RGSL1: variants seen among roughly 807,000 people sequenced by gnomAD.
RGSL1 encodes the protein regulator of G protein signaling like 1, also known as regulator of G protein signaling protein-like.
In RGSL1, 97 loss-of-function variants were observed where a neutral mutation model predicts 124.7. That is an observed-to-expected ratio of 0.78 (90% CI 0.66 to 0.92). The LOEUF is 0.92. RGSL1 is among the 40% of genes least tolerant of loss of function. The pLI is 0.00. For missense variants in RGSL1, 1,233 were observed against 1,288.4 expected (o/e 0.96, Z 0.66); for synonymous variants, 424 against 438.1 (o/e 0.97, Z 0.40).
chr1:182,556,786 A>G (rs886706312), intron 21 of RGSL1, among the ~76,000 whole-genome samples: 4 of 152,204 alleles, frequency 2.6e-5, no homozygotes, highest in Non-Finnish European at 4.4e-5. Flanking sequence ...AACTATTGTC[A>G]TAATTTTAAA....
intron 4 of RGSL1, 67 bp from the exon 5 acceptor site, chr1:182,472,329 C>T: frequency 7.0e-7 from 1 of 1,432,354 alleles, no homozygotes; most frequent in Non-Finnish European, 9.4e-7. Context: ...AGTTGATTCA[C>T]CCAGATGCAA....
At chr1:182,505,275 C>A (rs1177601737) in intron 9 of RGSL1, among the ~76,000 whole-genome samples, 1 of 152,120 alleles carries the variant, frequency 6.6e-6, no homozygotes, top group African/African-American at 2.4e-5. Flanking sequence ...AACAAACAAC[C>A]ACAATTTTTT....
intron 6 of RGSL1, among the ~76,000 whole-genome samples, chr1:182,487,935 T>C (rs1362919522): frequency 6.6e-6 from 1 of 152,210 alleles, no homozygotes; most frequent in South Asian, 2.1e-4. Flanking sequence ...CAAAGAAAGA[T>C]GCTTGGTTTT....
intron 15 of RGSL1, among the ~76,000 whole-genome samples, chr1:182,545,349 T>C (rs1442507061): frequency 2.0e-5 from 3 of 152,196 alleles, no homozygotes; most frequent in Non-Finnish European, 4.4e-5. Flanking sequence ...ATATTTTATA[T>C]TGCTTATCTC....
chr1:182,546,212 T>C (rs901826321), intron 15 of RGSL1, among the ~76,000 whole-genome samples: 1 of 152,202 alleles, frequency 6.6e-6, no homozygotes, highest in African/African-American at 2.4e-5. Context: ...TATGGGAGAA[T>C]GAAGCCAACT....
rs140715929 is a variant in RGSL1, at chr1:182,470,600, T to C, written c.302-1796T>C. The stretch of plus-strand genomic sequence containing the variant: ...TTTCTTTTATCCCGTTCCACATTTT[T>C]TCTATTCTGATTATAACCTTCAACC... On this transcript the variant is annotated intron_variant, in intron 4 of 21. Coordinates refer to ENST00000294854, the MANE Select transcript of RGSL1 (RefSeq NM_001137669.2). 3.9e-5 allele frequency among the ~76,000 whole-genome samples: 6 copies of C among 152,344 alleles called. 1 individual carries two copies. The highest frequency in any genetic ancestry group is 1.4e-4 in the African/African-American group (6 of 41,590).
At chr1:182,511,201 C>T (rs780867872) in intron 9 of RGSL1, among the ~76,000 whole-genome samples, 11 of 152,090 alleles carry the variant, frequency 7.2e-5, no homozygotes, top group Admixed American at 2.6e-4. Context: ...GATTTGCTCT[C>T]GTTGCCCAGG....
intron 9 of RGSL1, among the ~76,000 whole-genome samples, chr1:182,516,920 A>G (rs979837942): frequency 1.3e-5 from 2 of 152,096 alleles, no homozygotes; most frequent in African/African-American, 4.8e-5. Context: ...TTGTCTGTGT[A>G]CTTAATTTTA....
Position 182,548,725 on chromosome 1 carries a change from A to G in RGSL1, c.2834A>G (p.Asp945Gly). The G allele has an allele frequency of 1.3e-6, 2 of 1,551,630 alleles. No homozygotes were observed. Among genetic ancestry groups the G allele is most frequent in the Non-Finnish European group, 1.7e-6 (2 of 1,146,978 alleles). ...LRVNVPEFQK[D>G]AILAAITEGY... ...GTGAATGTCCCTGAGTTCCAGAAGG[A>G]TGCCATCCTTGCTGCCATCACAGAG... The change falls in exon 17 of 22, where the codon GAT (aspartate) becomes GGT (glycine). Residue 945 changes from aspartate (D) to glycine (G), a missense_variant. Coordinates refer to ENST00000294854, the MANE Select transcript of RGSL1 (RefSeq NM_001137669.2).
intron 17 of RGSL1, chr1:182,549,587 T>C (rs1365186858): frequency 6.6e-6 from 1 of 152,148 alleles, no homozygotes; most frequent in Non-Finnish European, 1.5e-5. Flanking sequence ...GTGCCTTGGG[T>C]GGTAGTGACC....
intron 21 of RGSL1, 70 bp from the exon 22 acceptor site, chr1:182,560,209 T>G (rs1661093509): frequency 6.6e-6 from 1 of 152,172 alleles, no homozygotes; most frequent in Admixed American, 6.5e-5. Context: ...AAATAGCAAA[T>G]GCTATTGTCT....
upstream of RGSL1, chr1:182,448,194 A>ATTTG (rs1651587463): frequency 5.4e-5 from 5 of 92,232 alleles, no homozygotes; most frequent in African/African-American, 1.2e-4. Flanking sequence ...TTAGAAACCA[A>ATTTG]TTTATTTGTT....
chr1:182,548,543 C>A, intron 16 of RGSL1, 88 bp downstream of exon 16: 2 of 1,526,902 alleles, frequency 1.3e-6, no homozygotes, highest in Non-Finnish European at 1.8e-6. Context: ...TCAGGCACCT[C>A]ATAAGTCCTG....
rs550486036 is a variant in RGSL1 at position 182,471,748 on chromosome 1, G to A, written c.302-648G>A. ...GAACACGTAAACAAATCCCTGTAGTGGGAGTGATGGGAAGACTGGCTTCTG... is the reference window on the plus strand; with the variant it reads ...GAACACGTAAACAAATCCCTGTAGTAGGAGTGATGGGAAGACTGGCTTCTG... On this transcript the variant is annotated intron_variant, in intron 4 of 21. Coordinates refer to ENST00000294854, the MANE Select transcript of RGSL1 (RefSeq NM_001137669.2). Among the ~76,000 whole-genome samples, 30 of 152,268 alleles carry A rather than the reference G, an allele frequency of 2.0e-4. No homozygotes were observed. The South Asian group carries it at 4.3e-3, about 22-fold the overall frequency.
chr1:182,552,457 T>C (rs968419849), intron 18 of RGSL1, among the ~76,000 whole-genome samples: 1 of 152,110 alleles, frequency 6.6e-6, no homozygotes, highest in Admixed American at 6.5e-5. Flanking sequence ...AACAGAGCAG[T>C]GGCTGGTGAG....
At chr1:182,554,822 A>C in intron 20 of RGSL1, 129 bp downstream of exon 20, 1 of 891,002 alleles carries the variant, frequency 1.1e-6, no homozygotes, top group Non-Finnish European at 1.7e-6. Context: ...AGAACCTAGA[A>C]ACTGAGCTTG....
Position 182,501,277 on chromosome 1 carries a change from T to TTTC in RGSL1, c.1825+8150_1825+8151insCTT, listed in dbSNP as rs1483416668. On this transcript the variant is annotated intron_variant, in intron 9 of 21. Transcript: ENST00000294854. ...CTTTCTCTCTTTCTCTCTTTCTTTC[T>TTTC]TTTTTTTCTTTTCTTTTCTTTTTTC... Among the ~76,000 whole-genome samples the TTTC allele has an allele frequency of 3.6e-4, 51 of 141,860 alleles. 1 individual carries two copies. The highest frequency in any genetic ancestry group is 8.8e-4 in the African/African-American group (33 of 37,546). 93.1% of individuals were successfully genotyped at this position (141,860 alleles called of 152,430 possible). A position where few individuals can be genotyped will look rare whatever the true frequency, so the allele number is the denominator to read the frequency against.
chr1:182,470,228 C>T (rs2102027307), intron 4 of RGSL1, among the ~76,000 whole-genome samples: 1 of 152,220 alleles, frequency 6.6e-6, no homozygotes, highest in African/African-American at 2.4e-5. Flanking sequence ...TCATATTACT[C>T]CTTTTCTCAC....
At chr1:182,537,155 T>A (rs74128945) in intron 14 of RGSL1, among the ~76,000 whole-genome samples, 2,466 of 152,200 alleles carry the variant, frequency 0.016, 58 homozygotes, top group African/African-American at 0.053. Context: ...ATCCTCCAAA[T>A]TCCAAAACTT....
Sources: allele counts gnomAD v4.1 joint callset (sites outside exome capture counted in the v4.1 genomes callset), GRCh38; gene constraint gnomAD v4.1.1; transcripts MANE v1.5; gene names NCBI Gene and HGNC (gene_info 2026-07-23, HGNC 2026-07-21).